TMEM260: variants seen among roughly 807,000 people sequenced by gnomAD.
TMEM260 encodes the protein protein O-mannosyl-transferase TMEM260.
Under a neutral mutation model 88.9 loss-of-function variants are expected in TMEM260, and 82 were observed. The observed-to-expected ratio is 0.92, with a 90% CI of 0.77 to 1.11. The LOEUF (loss-of-function observed/expected upper bound fraction) is 1.11, where lower values mean the gene tolerates loss of function less well. Ranked by LOEUF, TMEM260 falls within the 50% of genes least tolerant of loss-of-function variation. The pLI is 0.00. For missense variants in TMEM260, 902 were observed against 853.4 expected (o/e 1.06, Z -0.71); for synonymous variants, 314 against 309.3 (o/e 1.02, Z -0.16).
chr14:56,584,709 A>G (rs749422864), intron 1 of TMEM260, among the ~76,000 whole-genome samples: 11 of 152,184 alleles, frequency 7.2e-5, no homozygotes, highest in Non-Finnish European at 1.2e-4. Flanking sequence ...CAGTATTTGT[A>G]TATTTGCAAG....
intron 6 of TMEM260, 108 bp downstream of exon 6, chr14:56,609,393 G>T: frequency 9.7e-7 from 1 of 1,034,282 alleles, no homozygotes; most frequent in Non-Finnish European, 1.4e-6. Context: ...TAGATCAAAT[G>T]TTTGTTTTGG....
intron 12 of TMEM260, among the ~76,000 whole-genome samples, chr14:56,631,062 G>T (rs1193188402): frequency 6.6e-6 from 1 of 152,166 alleles, no homozygotes; most frequent in East Asian, 1.9e-4. Flanking sequence ...CAACTGAGGG[G>T]AATAAGACAG....
Position 56,609,128 on chromosome 14 carries a change from T to C in TMEM260, c.659T>C (p.Leu220Ser). Residue 220 changes from leucine (L) to serine (S), a missense_variant, in exon 6 of 16, where the codon TTG becomes TCG. By Grantham distance (145) the Leu-to-Ser change is moderately radical. Transcript: ENST00000261556. ...KKKELSLGSL[L>S]KLSLYFSAGL... ...CAGGAACTCTCCCTGGGCTCTTTGT[T>C]GAAGTTGAGCCTGTACTTCTCTGCT... The C allele has an allele frequency of 1.2e-6, 2 of 1,614,172 alleles. No homozygotes were observed. The highest frequency in any genetic ancestry group is 8.5e-7 in the Non-Finnish European group (1 of 1,180,000).
intron 14 of TMEM260, 140 bp from the exon 15 acceptor site, chr14:56,636,368 A>ATGAATATGAGAGAATTGAAAATAATAC (rs1889072266): frequency 1.5e-6 from 1 of 675,806 alleles, no homozygotes. Context: ...GCAAATGTCC[A>ATGAATATGAGAGAATTGAAAATAATAC]TGAATATGAG....
intron 8 of TMEM260, among the ~76,000 whole-genome samples, chr14:56,616,560 A>G (rs1887606746): frequency 6.6e-6 from 1 of 152,054 alleles, no homozygotes; most frequent in Admixed American, 6.5e-5. Context: ...ATGTCTATAT[A>G]ATAGAACATT....
intron 6 of TMEM260, 55 bp downstream of exon 6, chr14:56,609,340 C>A: frequency 1.3e-6 from 2 of 1,486,400 alleles, no homozygotes; most frequent in South Asian, 1.2e-5. Context: ...CTTCAGTGCT[C>A]TGCCTGGGCC....
intron 11 of TMEM260, among the ~76,000 whole-genome samples, chr14:56,622,781 A>T (rs1363210297): frequency 1.3e-5 from 2 of 152,218 alleles, no homozygotes; most frequent in Non-Finnish European, 2.9e-5. Context: ...ATAGTACTTA[A>T]TGCACTTTGT....
intron 15 of TMEM260, among the ~76,000 whole-genome samples, chr14:56,646,104 T>C (rs79052649): frequency 0.028 from 4,285 of 152,254 alleles, 125 homozygotes; most frequent in East Asian, 0.15. Flanking sequence ...CTCTTCCCTA[T>C]TGTATAAAAT....
chr14:56,585,167 C>T (rs909704796), intron 2 of TMEM260, 135 bp downstream of exon 2: 25 of 698,174 alleles, frequency 3.6e-5, no homozygotes, highest in African/African-American at 3.1e-4. Context: ...AAGTACAGTA[C>T]GTGACAATTT....
chr14:56,579,949 A>T lies in TMEM260; in HGVS notation c.35A>T (p.Gln12Leu). 1 of 1,238,384 alleles carries T rather than the reference A, an allele frequency of 8.1e-7. No homozygotes were observed. Among genetic ancestry groups the T allele is most frequent in the Non-Finnish European group, 1.0e-6 (1 of 988,438 alleles). 76.7% of individuals were successfully genotyped at this position (1,238,384 alleles called of 1,614,324 possible). The change falls in exon 1 of 16, where the codon CAG becomes CTG. Residue 12 changes from glutamine (Q) to leucine (L), a missense_variant. Coordinates refer to ENST00000261556, the MANE Select transcript of TMEM260 (RefSeq NM_017799.4). ...CATGGCGACGGCAGGGGCCAGGCCC[A>T]GGGGCGGGCAGTCCGAGTGGGGCTG... ...SPHGDGRGQA[Q>L]GRAVRVGLRR...
chr14:56,591,036 A>C (rs1198079175), intron 3 of TMEM260, among the ~76,000 whole-genome samples: 1 of 152,242 alleles, frequency 6.6e-6, no homozygotes, highest in African/African-American at 2.4e-5. Flanking sequence ...TCATATTTGC[A>C]CAGCTACTGT....
intron 1 of TMEM260, among the ~76,000 whole-genome samples, chr14:56,582,979 C>G (rs1321695958): frequency 6.6e-6 from 1 of 152,122 alleles, no homozygotes; most frequent in Non-Finnish European, 1.5e-5. Context: ...TAACAGCACA[C>G]TGACTTTTCC....
Position 56,617,173 on chromosome 14 carries a change from T to C in TMEM260, c.942-10T>C, listed in dbSNP as rs763574889. Reference sequence around the variant, plus strand: ...AAATATTTTAGACATATTTTTATTATTTTTTGTAGGGACAGACAGAATCCA... The same window carrying C: ...AAATATTTTAGACATATTTTTATTACTTTTTGTAGGGACAGACAGAATCCA... On this transcript the variant is annotated splice_polypyrimidine_tract_variant and intron_variant, in intron 8 of 15. Transcript: ENST00000261556. 65 of 1,505,032 alleles carry C rather than the reference T, an allele frequency of 4.3e-5. No individual in the cohort carries two copies. The highest frequency in any genetic ancestry group is 5.1e-5 in the Non-Finnish European group (57 of 1,109,700). 93.2% of individuals were successfully genotyped at this position (1,505,032 alleles called of 1,614,324 possible).
At chr14:56,589,065 G>A (rs1409214781) in intron 3 of TMEM260, among the ~76,000 whole-genome samples, 1 of 151,988 alleles carries the variant, frequency 6.6e-6, no homozygotes, top group East Asian at 1.9e-4. Flanking sequence ...TCTAGGAAAT[G>A]TCAAACTAGG....
chr14:56,627,002 A>G (rs947889998), intron 12 of TMEM260, among the ~76,000 whole-genome samples: 1 of 152,140 alleles, frequency 6.6e-6, no homozygotes, highest in East Asian at 1.9e-4. Flanking sequence ...ACCTACCATT[A>G]TATCATAAGC....
At chr14:56,594,461 A>G (rs1188026956) in intron 3 of TMEM260, among the ~76,000 whole-genome samples, 1 of 152,252 alleles carries the variant, frequency 6.6e-6, no homozygotes, top group Non-Finnish European at 1.5e-5. Context: ...TTTTTAAAAT[A>G]ATAAGCATAT....
chr14:56,650,301 T>TG (rs1273428738), downstream of TMEM260: 3 of 320,778 alleles, frequency 9.4e-6, no homozygotes, highest in African/African-American at 6.6e-5. Flanking sequence ...ACTCTCCACA[T>TG]GCGTCAGGGC....
rs770042052 is a variant in TMEM260 at position 56,632,986 on chromosome 14, T to C, written c.1548-9T>C. The C allele has an allele frequency of 6.2e-7, 1 of 1,611,848 alleles. No individual in the cohort carries two copies. The highest frequency in any genetic ancestry group is 8.5e-7 in the Non-Finnish European group (1 of 1,178,782). On this transcript the variant is annotated splice_polypyrimidine_tract_variant and intron_variant, in intron 12 of 15. Coordinates refer to ENST00000261556, the MANE Select transcript of TMEM260 (RefSeq NM_017799.4). ...TTAAGTACATCATGTATTTTTCTGT[T>C]TCCAACAGAAAAGAAACATTTGTTT...
chr14:56,659,085 TTAATAG>T, the TMEM260 span, among the ~76,000 whole-genome samples: 1 of 152,246 alleles, frequency 6.6e-6, no homozygotes, highest in African/African-American at 2.4e-5. Flanking sequence ...TATAGTGTGG[TTAATAG>T]TAAGTATTGC....
Sources: allele counts gnomAD v4.1 joint callset (sites outside exome capture counted in the v4.1 genomes callset), GRCh38; gene constraint gnomAD v4.1.1; transcripts MANE v1.5; gene names NCBI Gene and HGNC (gene_info 2026-07-23, HGNC 2026-07-21).